The following CEP170 variants were observed in gnomAD, a reference collection of about 807,000 sequenced individuals.
The protein encoded by CEP170 is centrosomal protein of 170 kDa.
In CEP170, 21 loss-of-function variants were observed where a neutral mutation model predicts 151.9. The ratio of observed to expected loss-of-function variants is 0.14; its 90% CI spans 0.10 to 0.20. The LOEUF (loss-of-function observed/expected upper bound fraction) is 0.20, where lower values mean the gene tolerates loss of function less well. CEP170 is among the 10% of genes least tolerant of loss of function. The pLI is 1.00. For synonymous variants in CEP170, 356 were observed against 648.8 expected (o/e 0.55, Z 6.86); for missense variants, 964 against 1,892.9 (o/e 0.51, Z 9.11).
chr1:243,156,576 C>T (rs1053602237), intron 13 of CEP170, 121 bp from the exon 14 acceptor site: 34 of 853,800 alleles, frequency 4.0e-5, no homozygotes, highest in African/African-American at 1.5e-4. Context: ...CAATAACTGA[C>T]GTACACATAC....
At chr1:243,144,090 G>A (rs957123708) in intron 14 of CEP170, among the ~76,000 whole-genome samples, 1 of 152,294 alleles carries the variant, frequency 6.6e-6, no homozygotes, top group African/African-American at 2.4e-5. Flanking sequence ...GATTGCTTAT[G>A]ATGTGCCAGG....
chr1:243,147,346 ATCT>A (rs965360596), intron 14 of CEP170, among the ~76,000 whole-genome samples: 2 of 152,342 alleles, frequency 1.3e-5, no homozygotes, highest in Middle Eastern at 3.4e-3. Context: ...TTAACTGGAT[ATCT>A]TCTTTCTTTT....
At chr1:243,163,722 T>C (rs2058242611) in intron 13 of CEP170, among the ~76,000 whole-genome samples, 1 of 152,050 alleles carries the variant, frequency 6.6e-6, no homozygotes, top group Non-Finnish European at 1.5e-5. Context: ...GCTCCAACTA[T>C]AAACAGATTT....
intron 14 of CEP170, among the ~76,000 whole-genome samples, chr1:243,155,982 G>T (rs1373536992): frequency 1.3e-5 from 2 of 152,004 alleles, no homozygotes; most frequent in African/African-American, 2.4e-5. Context: ...AAAAGGGAGG[G>T]GGGGAGACAG....
At chr1:243,202,833 A>G (rs1382108303) in intron 4 of CEP170, among the ~76,000 whole-genome samples, 3 of 152,268 alleles carry the variant, frequency 2.0e-5, no homozygotes, top group South Asian at 2.1e-4. Flanking sequence ...GACAGTCATT[A>G]CCATTTTTTC....
Position 243,191,150 on chromosome 1 carries a change from T to G in CEP170, c.976A>C (p.Met326Leu). Residue 326 changes from methionine to leucine, a missense_variant, in exon 8 of 20, where the codon ATG becomes CTG. Transcript: ENST00000366542. ...TQDLLGIQTG[M>L]MAPENKVADW... ...GCAACTTTGTTTTCGGGTGCCATCA[T>G]TCCTGTTTGAATCCCCAGCAAGTCT... The G allele has an allele frequency of 6.2e-7, 1 of 1,613,156 alleles. No homozygotes were observed. Among genetic ancestry groups the G allele is most frequent in the Non-Finnish European group, 8.5e-7 (1 of 1,179,444 alleles).
At chr1:243,129,509 T>G in intron 17 of CEP170, 56 bp from the exon 18 acceptor site, 1 of 1,136,940 alleles carries the variant, frequency 8.8e-7, no homozygotes, top group Non-Finnish European at 1.2e-6. Context: ...ACCTATTACT[T>G]TTTTGTTAAT....
At position 243,124,560 on chromosome 1, in the gene CEP170, C is replaced by T. The variant is rs1230897487; in HGVS notation, c.*1889G>A. The T allele has an allele frequency of 6.6e-6, 1 of 152,368 alleles. No homozygotes were observed. The highest frequency in any genetic ancestry group is 1.5e-5 in the Non-Finnish European group (1 of 67,978). The allele number at this position is 152,368 out of a possible 1,614,324, so 9.4% of individuals were successfully genotyped here. On this transcript the variant is annotated 3_prime_UTR_variant, in exon 20 of 20. Transcript: ENST00000366542. ...AAAATAAAAATAACATAGTAAAAGG[C>T]CAAATGTTTATAATTGAACCAAACT... is the stretch of plus-strand genomic sequence containing the variant.
At chr1:243,226,002 T>C (rs566074806) in intron 1 of CEP170, among the ~76,000 whole-genome samples, 41 of 147,302 alleles carry the variant, frequency 2.8e-4, no homozygotes, top group Admixed American at 5.5e-4. Context: ...TACACGTATA[T>C]ATATCTAGAT....
chr1:243,233,279 T>C (rs1450383216), intron 1 of CEP170, among the ~76,000 whole-genome samples: 1 of 152,184 alleles, frequency 6.6e-6, no homozygotes, highest in Non-Finnish European at 1.5e-5. Context: ...CTGACTTTCC[T>C]GCTAAATCAG....
At chr1:243,242,476 C>G (rs570211455) in intron 1 of CEP170, among the ~76,000 whole-genome samples, 1 of 152,210 alleles carries the variant, frequency 6.6e-6, no homozygotes, top group South Asian at 2.1e-4. Context: ...CCTCGGCCTC[C>G]CAAAGTGCTG....
intron 14 of CEP170, among the ~76,000 whole-genome samples, chr1:243,149,295 C>T (rs1300342978): frequency 1.3e-5 from 2 of 152,220 alleles, no homozygotes; most frequent in Admixed American, 1.3e-4. Flanking sequence ...GAGACAAAAT[C>T]GGCAGGTTAA....
chr1:243,224,921 G>A (rs548362974), intron 2 of CEP170, among the ~76,000 whole-genome samples: 3 of 152,152 alleles, frequency 2.0e-5, no homozygotes, highest in East Asian at 3.9e-4. Flanking sequence ...TATTTTAAAA[G>A]CATATAATGT....
chr1:243,186,879 A>G (rs1388654444), intron 8 of CEP170, among the ~76,000 whole-genome samples: 3 of 152,378 alleles, frequency 2.0e-5, no homozygotes, highest in South Asian at 2.1e-4. Flanking sequence ...GAACATAAGT[A>G]TGGTAAAAAT....
intron 8 of CEP170, 168 bp from the exon 9 acceptor site, chr1:243,186,590 C>T (rs763857852): frequency 3.5e-5 from 21 of 605,328 alleles, no homozygotes; most frequent in Non-Finnish European, 5.9e-5. Context: ...GCAATGGTTA[C>T]ATTCAAATTT....
At chr1:243,130,574 G>A (rs2054281842) in intron 17 of CEP170, among the ~76,000 whole-genome samples, 1 of 151,962 alleles carries the variant, frequency 6.6e-6, no homozygotes, top group African/African-American at 2.4e-5. Context: ...TACTTTTTTG[G>A]TTTCTTTTAA....
chr1:243,207,578 C>T (rs980840658), intron 4 of CEP170, among the ~76,000 whole-genome samples: 2 of 151,772 alleles, frequency 1.3e-5, no homozygotes, highest in East Asian at 1.9e-4. Context: ...AATAGCAGAA[C>T]GCATATCCTT....
intron 4 of CEP170, among the ~76,000 whole-genome samples, chr1:243,205,610 A>C (rs2061363464): frequency 6.6e-6 from 1 of 152,236 alleles, no homozygotes. Context: ...CAATCTTAGA[A>C]GCCTAACAAA....
intron 14 of CEP170, among the ~76,000 whole-genome samples, chr1:243,155,994 A>G (rs2057513204): frequency 6.6e-6 from 1 of 152,144 alleles, no homozygotes; most frequent in South Asian, 2.1e-4. Flanking sequence ...GGGAGACAGA[A>G]AAGGTCAAAA....
Sources: allele counts gnomAD v4.1 joint callset (sites outside exome capture counted in the v4.1 genomes callset), GRCh38; gene constraint gnomAD v4.1.1; transcripts MANE v1.5; gene names NCBI Gene and HGNC (gene_info 2026-07-23, HGNC 2026-07-21).